The following IL19 variants were observed in gnomAD, a reference collection of about 807,000 sequenced individuals.
IL19 encodes interleukin 19.
A neutral mutation model predicts 19.5 loss-of-function variants in IL19; 15 were observed. The observed-to-expected ratio is 0.77, with a 90% CI of 0.52 to 1.19. The LOEUF (loss-of-function observed/expected upper bound fraction) is 1.19. IL19 is among the 50% of genes most tolerant of loss of function. The pLI is 0.00. For missense variants in IL19, 199 were observed against 213.1 expected, an observed-to-expected ratio of 0.93 and a Z score of 0.41; for synonymous variants, 78 against 78.3, an observed-to-expected ratio of 1.00 and a Z score of 0.02.
chr1:206,815,383 T>G (rs1270293696), intron 2 of IL19, among the ~76,000 whole-genome samples: 1 of 152,214 alleles, frequency 6.6e-6, no homozygotes, highest in African/African-American at 2.4e-5. Context: ...GGTACCATGT[T>G]TTAAGATGGC....
intron 1 of IL19, among the ~76,000 whole-genome samples, chr1:206,774,899 C>G (rs1386796487): frequency 6.6e-6 from 1 of 152,022 alleles, no homozygotes; most frequent in Non-Finnish European, 1.5e-5. Context: ...CAGGCAGCCT[C>G]CCTTCAATTT....
In IL19 at chr1:206,835,631, A is replaced by C. The variant is rs538352323; in HGVS notation, c.-2-1030A>C. ...TTATGCCCTCCTCTCCTCCACGGCC[A>C]CACACGATACACTTACCTTGGCACA... On this transcript the variant is annotated intron_variant, in intron 2 of 6. Transcript: ENST00000659997. 3.3e-5 allele frequency among the ~76,000 whole-genome samples: 5 copies of C among 152,270 alleles called. No individual in the cohort carries two copies. In the South Asian group the frequency reaches 6.2e-4, roughly 19 times the overall value.
At chr1:206,811,691 G>A (rs1402395912) in intron 2 of IL19, among the ~76,000 whole-genome samples, 1 of 152,162 alleles carries the variant, frequency 6.6e-6, no homozygotes, top group Non-Finnish European at 1.5e-5. Context: ...ACTTACCCTA[G>A]TCAAGGCTTT....
intron 2 of IL19, among the ~76,000 whole-genome samples, chr1:206,815,585 C>T (rs1044100880): frequency 6.6e-6 from 1 of 152,048 alleles, no homozygotes; most frequent in Non-Finnish European, 1.5e-5. Context: ...TTAGGTCAAT[C>T]CTACCTGATT....
chr1:206,798,041 G>T (rs952638645), intron 1 of IL19, among the ~76,000 whole-genome samples: 5 of 152,336 alleles, frequency 3.3e-5, no homozygotes, highest in Middle Eastern at 3.4e-3. Context: ...TTCTGTGTTT[G>T]GTTGTGTTGA....
intron 1 of IL19, among the ~76,000 whole-genome samples, chr1:206,795,949 G>C: frequency 6.6e-6 from 1 of 151,838 alleles, no homozygotes; most frequent in East Asian, 1.9e-4. Context: ...GTGTGTGTGT[G>C]TGTGTGTGTG....
intron 1 of IL19, 129 bp downstream of exon 1, chr1:206,771,207 T>A (rs1489841191): frequency 8.6e-7 from 1 of 1,162,468 alleles, no homozygotes; most frequent in Non-Finnish European, 1.3e-6. Flanking sequence ...TTGTAAACCC[T>A]CTGGCTGCTG....
At position 206,842,894 on chromosome 1, in the gene IL19, C is replaced by A. The variant is rs1182123343; in HGVS notation, c.*272C>A. The A allele has an allele frequency of 3.1e-6, 1 of 326,562 alleles. No individual in the cohort carries two copies. The highest frequency in any genetic ancestry group is 4.5e-5 in the Admixed American group (1 of 22,110). The allele number at this position is 326,562 out of a possible 1,614,324, so 20.2% of individuals were successfully genotyped here. A position where few individuals can be genotyped will look rare whatever the true frequency, so the allele number is the denominator to read the frequency against. On this transcript the variant is annotated 3_prime_UTR_variant, in exon 7 of 7. Transcript: ENST00000659997. ...TAATTTATTGTAAAGTCATATAGTCCATGTCTGTGATGTGAGCCAAGTGAT... is the reference window on the plus strand; with the variant it reads ...TAATTTATTGTAAAGTCATATAGTCAATGTCTGTGATGTGAGCCAAGTGAT...
In IL19 at chr1:206,824,083, A is replaced by G. The variant is rs143552589; in HGVS notation, c.-2-12578A>G. ...AAACTGCTGCTCCTGCTGCTCACTC[A>G]AGCACTGTTACTTGATATCAGCGGA... is the stretch of plus-strand genomic sequence containing the variant. On this transcript the variant is annotated intron_variant, in intron 2 of 6. Transcript: ENST00000659997. Among the ~76,000 whole-genome samples the G allele has an allele frequency of 2.3e-4, 35 of 152,336 alleles. No homozygotes were observed. In the South Asian group the frequency reaches 3.5e-3, roughly 15 times the overall value.
At chr1:206,799,519 G>C (rs1675625172) in intron 2 of IL19, among the ~76,000 whole-genome samples, 1 of 152,214 alleles carries the variant, frequency 6.6e-6, no homozygotes, top group South Asian at 2.1e-4. Context: ...AGGCCACGTA[G>C]TCACTCCTTT....
intron 2 of IL19, 39 bp downstream of exon 2, chr1:206,799,045 C>T: frequency 1.5e-6 from 2 of 1,350,112 alleles, no homozygotes; most frequent in Non-Finnish European, 2.1e-6. Flanking sequence ...GATGTGGAGC[C>T]ATTCTCTGGG....
intron 2 of IL19, among the ~76,000 whole-genome samples, chr1:206,807,953 A>T (rs1675891819): frequency 6.6e-6 from 1 of 152,256 alleles, no homozygotes; most frequent in Admixed American, 6.5e-5. Context: ...CTATGATGTT[A>T]AAAAATGGAG....
At chr1:206,819,615 C>T (rs1440378761) in intron 2 of IL19, among the ~76,000 whole-genome samples, 2 of 151,430 alleles carry the variant, frequency 1.3e-5, no homozygotes, top group Non-Finnish European at 2.9e-5. Context: ...TCCTTAGTTG[C>T]AATAGGCACA....
intron 2 of IL19, among the ~76,000 whole-genome samples, chr1:206,804,440 C>A (rs928744737): frequency 1.3e-5 from 2 of 152,000 alleles, no homozygotes; most frequent in African/African-American, 4.8e-5. Flanking sequence ...TGACAATAAC[C>A]CCCAGGTTGA....
intron 1 of IL19, among the ~76,000 whole-genome samples, chr1:206,781,994 A>ATGTTATATATACATATATATGTATAT (rs1675156137): frequency 1.7e-5 from 1 of 57,184 alleles, no homozygotes; most frequent in African/African-American, 5.4e-5. Flanking sequence ...ATATATGTAT[A>ATGTTATATATACATATATATGTATAT]TGTTATATAT....
intron 2 of IL19, among the ~76,000 whole-genome samples, chr1:206,807,615 T>A (rs533820000): frequency 8.4e-4 from 128 of 152,306 alleles, no homozygotes; most frequent in Admixed American, 2.6e-3. Context: ...TTTCCTTTGT[T>A]TTTTTGGCAC....
chr1:206,817,590 C>T (rs1676190383), intron 2 of IL19, among the ~76,000 whole-genome samples: 1 of 151,968 alleles, frequency 6.6e-6, no homozygotes, highest in African/African-American at 2.4e-5. Context: ...TTCAGAGAGG[C>T]ATATTACCAG....
At chr1:206,836,635 C>T in intron 2 of IL19, 26 bp from the exon 3 acceptor site, 1 of 1,580,064 alleles carries the variant, frequency 6.3e-7, no homozygotes, top group South Asian at 1.2e-5. Flanking sequence ...CTTGGCTGGA[C>T]AGCTGACTTC....
chr1:206,791,607 T>G (rs6702254), intron 1 of IL19, among the ~76,000 whole-genome samples: 93,724 of 152,042 alleles, frequency 0.62, 29,844 homozygotes, highest in East Asian at 0.71. Flanking sequence ...CCAGTCCCTA[T>G]GTTTTGACTT....
Sources: allele counts gnomAD v4.1 joint callset (sites outside exome capture counted in the v4.1 genomes callset), GRCh38; gene constraint gnomAD v4.1.1; transcripts MANE v1.5; gene names NCBI Gene and HGNC (gene_info 2026-07-23, HGNC 2026-07-21).